RALYL: variants seen among roughly 807,000 people sequenced by gnomAD.
RALYL encodes RNA-binding Raly-like protein.
Under a neutral mutation model 35.1 loss-of-function variants are expected in RALYL, and 29 were observed. The ratio of observed to expected loss-of-function variants is 0.83; its 90% CI spans 0.61 to 1.13. The LOEUF (loss-of-function observed/expected upper bound fraction) is 1.13, where lower values mean the gene tolerates loss of function less well. RALYL is among the 50% of genes most tolerant of loss of function. The probability of loss-of-function intolerance (pLI) is 0.00; values close to 1 mark genes in which losing one functional copy is unlikely to be tolerated. For synonymous variants in RALYL, 120 were observed against 127.6 expected, an observed-to-expected ratio of 0.94 and a Z score of 0.40; for missense variants, 359 against 360.4, an observed-to-expected ratio of 1.00 and a Z score of 0.03.
At chr8:84,434,562 A>T (rs887380193) in intron 1 of RALYL, among the ~76,000 whole-genome samples, 1 of 152,196 alleles carries the variant, frequency 6.6e-6, no homozygotes, top group Non-Finnish European at 1.5e-5. Context: ...CGTGCCAGTT[A>T]TACCTTAGCC....
At chr8:84,476,907 A>G (rs115378573) in intron 1 of RALYL, among the ~76,000 whole-genome samples, 121 of 152,338 alleles carry the variant, frequency 7.9e-4, no homozygotes, top group Middle Eastern at 3.4e-3. Flanking sequence ...ATACATTCAT[A>G]GCAAAACAGA....
intron 4 of RALYL, among the ~76,000 whole-genome samples, chr8:84,807,504 T>A (rs960619819): frequency 1.3e-5 from 2 of 152,214 alleles, no homozygotes; most frequent in Non-Finnish European, 2.9e-5. Flanking sequence ...TTTCATATAA[T>A]GACTTCTTTT....
chr8:84,370,717 A>C (rs1855511538), intron 1 of RALYL, among the ~76,000 whole-genome samples: 1 of 152,040 alleles, frequency 6.6e-6, no homozygotes, highest in Admixed American at 6.6e-5. Flanking sequence ...ACAGATGTTT[A>C]GGTGGTCAGA....
intron 2 of RALYL, among the ~76,000 whole-genome samples, chr8:84,638,965 GACACACACACACAC>G (rs60361195): frequency 7.8e-5 from 9 of 116,038 alleles, no homozygotes; most frequent in Non-Finnish European, 1.4e-4. Flanking sequence ...CACACACACA[GACACACACACACAC>G]ACACACACAC....
intron 4 of RALYL, among the ~76,000 whole-genome samples, chr8:84,834,713 G>A (rs1831599431): frequency 6.6e-6 from 1 of 152,160 alleles, no homozygotes; most frequent in Non-Finnish European, 1.5e-5. Context: ...ATAGATGGAA[G>A]AAAGATCTAA....
intron 2 of RALYL, among the ~76,000 whole-genome samples, chr8:84,661,122 G>T (rs1467317746): frequency 6.6e-6 from 1 of 151,816 alleles, no homozygotes; most frequent in Non-Finnish European, 1.5e-5. Context: ...TAGAGACGGG[G>T]TTTCACCGTG....
chr8:84,229,590 T>A (rs1285317306), intron 1 of RALYL, among the ~76,000 whole-genome samples: 1 of 152,116 alleles, frequency 6.6e-6, no homozygotes. Flanking sequence ...TTCCAGCCTA[T>A]AATAATAATT....
intron 1 of RALYL, among the ~76,000 whole-genome samples, chr8:84,269,136 T>G (rs1833844620): frequency 1.3e-5 from 2 of 152,194 alleles, no homozygotes; most frequent in South Asian, 4.1e-4. Flanking sequence ...ATATTTTAGG[T>G]CTTTCAAGAG....
intron 7 of RALYL, among the ~76,000 whole-genome samples, chr8:84,874,805 C>G (rs1396201188): frequency 6.6e-6 from 1 of 152,196 alleles, no homozygotes; most frequent in Non-Finnish European, 1.5e-5. Flanking sequence ...GAGTAATGAA[C>G]AAAGTGGCAT....
At chr8:84,791,344 AT>A (rs1563612821) in intron 3 of RALYL, among the ~76,000 whole-genome samples, 3 of 152,306 alleles carry the variant, frequency 2.0e-5, no homozygotes. Flanking sequence ...AAGGATGCCA[AT>A]GTTTCTAGAG....
At chr8:84,312,211 G>A (rs565153689) in intron 1 of RALYL, among the ~76,000 whole-genome samples, 1 of 152,270 alleles carries the variant, frequency 6.6e-6, no homozygotes, top group East Asian at 1.9e-4. Context: ...GAACAGCATA[G>A]GGGAGACTGC....
At chr8:84,545,927 A>T (rs903823351) in intron 2 of RALYL, among the ~76,000 whole-genome samples, 2 of 152,176 alleles carry the variant, frequency 1.3e-5, no homozygotes, top group Non-Finnish European at 2.9e-5. Context: ...AACTGTATTA[A>T]CTGATAGCTC....
intron 2 of RALYL, among the ~76,000 whole-genome samples, chr8:84,682,607 G>T (rs1564366049): frequency 6.6e-6 from 1 of 152,122 alleles, no homozygotes; most frequent in Non-Finnish European, 1.5e-5. Context: ...ATTTCTTCTA[G>T]ATTTTCTAGT....
chr8:84,389,986 T>A (rs1373819615), intron 1 of RALYL, among the ~76,000 whole-genome samples: 4 of 152,044 alleles, frequency 2.6e-5, no homozygotes, highest in Admixed American at 6.6e-5. Flanking sequence ...GGGTTTGTCA[T>A]AGATAGCTCT....
chr8:84,432,158 G>T (rs2047213849), intron 1 of RALYL, among the ~76,000 whole-genome samples: 1 of 152,078 alleles, frequency 6.6e-6, no homozygotes, highest in Non-Finnish European at 1.5e-5. Context: ...ATTCATAATA[G>T]CTAAAACATG....
chr8:84,391,192 A>G (rs1372980767), intron 1 of RALYL, among the ~76,000 whole-genome samples: 1 of 151,938 alleles, frequency 6.6e-6, no homozygotes, highest in East Asian at 1.9e-4. Context: ...CTCTCTCAAA[A>G]TACTCCATAA....
chr8:84,458,558 A>G (rs1412239739), intron 1 of RALYL, among the ~76,000 whole-genome samples: 1 of 151,738 alleles, frequency 6.6e-6, no homozygotes, highest in Non-Finnish European at 1.5e-5. Context: ...GAGCTCCTCC[A>G]TTATCTTTCC....
chr8:84,725,792 A>G (rs1844840078), intron 2 of RALYL, among the ~76,000 whole-genome samples: 1 of 151,754 alleles, frequency 6.6e-6, no homozygotes, highest in Non-Finnish European at 1.5e-5. Context: ...TAAACATTAG[A>G]AAAGATGAAA....
chr8:84,679,010 C>A, intron 2 of RALYL: 2 of 337,852 alleles, frequency 5.9e-6, no homozygotes, highest in Non-Finnish European at 1.2e-5. Flanking sequence ...CTGACACTAG[C>A]CTGGCCACCA....
Sources: gnomAD v4.1 joint callset for allele counts (sites outside exome capture counted in the v4.1 genomes callset) on GRCh38, gnomAD v4.1.1 for gene constraint, MANE v1.5 for transcripts, NCBI Gene and HGNC (gene_info 2026-07-23, HGNC 2026-07-21) for gene names.